Variants in NCOA7 observed in about 807,000 individuals in gnomAD.
NCOA7 encodes nuclear receptor coactivator 7.
NCOA7 carries 45 observed loss-of-function variants against 104.3 expected under a neutral mutation model. The ratio of observed to expected loss-of-function variants is 0.43; its 90% CI spans 0.34 to 0.55. The LOEUF is 0.55. Among genes scored for constraint, NCOA7 ranks in the 20% least tolerant of loss-of-function variants. NCOA7 has a pLI of 0.02. For synonymous variants in NCOA7, 398 were observed against 402.3 expected, an observed-to-expected ratio of 0.99 and a Z score of 0.13; for missense variants, 1,041 against 1,119.7, an observed-to-expected ratio of 0.93 and a Z score of 1.00.
chr6:125,815,394 T>C lies in NCOA7; in HGVS notation c.40T>C (p.Tyr14His), dbSNP rs200032896. 85 of 1,608,888 alleles carry C rather than the reference T, an allele frequency of 5.3e-5. No individual in the cohort carries two copies. Among genetic ancestry groups the C allele is most frequent in the Non-Finnish European group, 1.4e-5 (17 of 1,177,672 alleles). Residue 14 changes from tyrosine to histidine, a missense_variant, in exon 2 of 16, where the codon TAT (tyrosine) becomes CAT (histidine). Physicochemically the swap from Tyr to His is moderately conservative, Grantham distance 83 (BLOSUM62 2). This residue lies in a region of NCOA7 where 914 missense variants were observed against 942.7 expected (regional missense o/e 0.97). Transcript: ENST00000392477. The stretch of plus-strand genomic sequence containing the variant: ...AGAGAAGAAGGAACGGAAACAAAGT[T>C]ATTTTGCTCGGTAAGCATTCATTTT... The part of the protein sequence containing the change: ...KEEKKERKQS[Y>H]FARLKKKKQA...
Position 125,931,588 on chromosome 6 carries a change from C to T in NCOA7, c.*2817C>T, listed in dbSNP as rs1210241366. 1.3e-5 allele frequency: 2 copies of T among 152,192 alleles called. No homozygotes were observed. Among genetic ancestry groups the T allele is most frequent in the Non-Finnish European group, 2.9e-5 (2 of 68,050 alleles). The allele number at this position is 152,192 out of a possible 1,614,324, so 9.4% of individuals were successfully genotyped here. A position where few individuals can be genotyped will look rare whatever the true frequency, so the allele number is the denominator to read the frequency against. ...GGTGGGAGGAGGCAACCAAATGTTT[C>T]TTCAGACTCTACTGAAAATGATTAG... On this transcript the variant is annotated 3_prime_UTR_variant, in exon 16 of 16. Transcript: ENST00000392477.
intron 1 of NCOA7, among the ~76,000 whole-genome samples, chr6:125,799,730 C>T (rs1443895808): frequency 6.6e-6 from 1 of 152,128 alleles, no homozygotes; most frequent in East Asian, 1.9e-4. Flanking sequence ...ACATGAACCG[C>T]TTTGCCGGGC....
chr6:125,830,735 A>ATGTGTGTGTGTGTGTGTG (rs779830277), intron 2 of NCOA7, among the ~76,000 whole-genome samples: 1 of 133,956 alleles, frequency 7.5e-6, no homozygotes, highest in East Asian at 2.3e-4. Context: ...ATATATATAT[A>ATGTGTGTGTGTGTGTGTG]TATGTGTGTG....
rs761995738 is a variant in NCOA7, at chr6:125,889,197, C to G, written c.1143C>G (p.Ser381=). The G allele has an allele frequency of 1.9e-6, 3 of 1,613,978 alleles. 1 individual carries two copies. The South Asian group carries it at 3.3e-5, about 18-fold the overall frequency. ...AACTGGACTCCTCTAGGGAGACATC[C>G]CATGGTTCTCCCACAGTGACTAAGC... The part of the protein sequence containing the change: ...LKKLDSSRET[S]HGSPTVTKLS... Residue 381 remains serine (S), a synonymous_variant, in exon 9 of 16, where the codon TCC becomes TCG. Coordinates refer to ENST00000392477, the MANE Select transcript of NCOA7 (RefSeq NM_181782.5).
chr6:125,917,623 G>A (rs990628279), intron 11 of NCOA7, among the ~76,000 whole-genome samples: 7 of 152,178 alleles, frequency 4.6e-5, no homozygotes, highest in African/African-American at 1.7e-4. Context: ...ATTTTGCTAA[G>A]GTTGAGGATG....
In NCOA7 at chr6:125,863,476, A is replaced by T. The variant is rs1016241082; in HGVS notation, c.271+8236A>T. The stretch of plus-strand genomic sequence containing the variant: ...CTGTCTTGTTATATTCACTTGCATT[A>T]TAAAAAATCTCATTGTAAGAGAAAT... On this transcript the variant is annotated intron_variant, in intron 3 of 15. Transcript: ENST00000392477. 6.5e-5 allele frequency among the ~76,000 whole-genome samples: 9 copies of T among 138,388 alleles called. 2 individuals are homozygous for T. The highest frequency in any genetic ancestry group is 1.1e-4 in the Non-Finnish European group (7 of 65,062). The allele number at this position is 138,388 out of a possible 152,430, so 90.8% of individuals were successfully genotyped here. A position where few individuals can be genotyped will look rare whatever the true frequency, so the allele number is the denominator to read the frequency against.
chr6:125,919,652 A>G (rs146197681), intron 11 of NCOA7, among the ~76,000 whole-genome samples: 1 of 148,430 alleles, frequency 6.7e-6, no homozygotes, highest in Non-Finnish European at 1.5e-5. Context: ...GCCTCATTTT[A>G]TACTTGTGAT....
intron 10 of NCOA7, among the ~76,000 whole-genome samples, chr6:125,895,165 C>T (rs1374331491): frequency 6.6e-6 from 1 of 151,860 alleles, no homozygotes; most frequent in Admixed American, 6.6e-5. Flanking sequence ...GCCTTTTAAT[C>T]TCTGAAATGT....
chr6:125,874,919 A>T lies in NCOA7; in HGVS notation c.302A>T (p.Lys101Ile). Reference sequence around the variant, plus strand: ...AATCAAAACAAAACACATGATAAAAAAGAGAAGAAGATGGTGGTTCAGAAG... The same window carrying T: ...AATCAAAACAAAACACATGATAAAATAGAGAAGAAGATGGTGGTTCAGAAG... Reference protein sequence around the residue: ...DDNQNKTHDKKEKKMVVQKPH... With the variant: ...DDNQNKTHDKIEKKMVVQKPH... Residue 101 changes from lysine (K) to isoleucine (I), a missense_variant, in exon 4 of 16, where the codon AAA (lysine) becomes ATA (isoleucine). By Grantham distance (102) the Lys-to-Ile change is moderately radical (BLOSUM62 -3). Around this residue, in one of 2 missense-constraint regions of NCOA7, gnomAD observed 914 missense variants for 942.7 expected, o/e 0.97. Coordinates refer to ENST00000392477, the MANE Select transcript of NCOA7 (RefSeq NM_181782.5). 6.2e-7 allele frequency: 1 copy of T among 1,613,680 alleles called. No individual in the cohort carries two copies. Among genetic ancestry groups the T allele is most frequent in the Non-Finnish European group, 8.5e-7 (1 of 1,179,600 alleles).
intron 1 of NCOA7, among the ~76,000 whole-genome samples, chr6:125,801,776 A>AT (rs1270606131): frequency 3.9e-5 from 6 of 152,112 alleles, no homozygotes; most frequent in Admixed American, 3.9e-4. Flanking sequence ...CCATCTTCTT[A>AT]TGGGGATTCC....
upstream of NCOA7, among the ~76,000 whole-genome samples, chr6:125,787,580 G>C (rs1774530914): frequency 6.6e-6 from 1 of 152,136 alleles, no homozygotes; most frequent in African/African-American, 2.4e-5. Flanking sequence ...TACAAAGGTT[G>C]TTTATTCCTG....
chr6:125,802,646 G>T (rs1174533242), intron 1 of NCOA7, among the ~76,000 whole-genome samples: 1 of 152,132 alleles, frequency 6.6e-6, no homozygotes, highest in Non-Finnish European at 1.5e-5. Context: ...CACAGCAAAG[G>T]GTACGGATGT....
chr6:125,851,112 A>T (rs1781085682), intron 2 of NCOA7, among the ~76,000 whole-genome samples: 1 of 152,124 alleles, frequency 6.6e-6, no homozygotes, highest in African/African-American at 2.4e-5. Flanking sequence ...TTTTATTATT[A>T]ATTATATGAT....
intron 3 of NCOA7, among the ~76,000 whole-genome samples, chr6:125,867,910 C>T (rs1275540722): frequency 6.6e-6 from 1 of 152,148 alleles, no homozygotes; most frequent in South Asian, 2.1e-4. Context: ...GGGGGTGGGG[C>T]CTCACCAGTG....
In NCOA7 at chr6:125,928,831, G is replaced by C; in HGVS notation, c.*60G>C. 1 of 1,551,428 alleles carries C rather than the reference G, an allele frequency of 6.4e-7. No homozygotes were observed. Among genetic ancestry groups the C allele is most frequent in the Non-Finnish European group, 8.7e-7 (1 of 1,153,422 alleles). On this transcript the variant is annotated 3_prime_UTR_variant, in exon 16 of 16. Transcript: ENST00000392477. The stretch of plus-strand genomic sequence containing the variant: ...ACTGGGTTCGATCAGCCCTCCTAAA[G>C]CTGGCTGGAAAAAGAAGCCCCAGCC...
chr6:125,826,064 G>A (rs1310617518), intron 2 of NCOA7, among the ~76,000 whole-genome samples: 3 of 152,062 alleles, frequency 2.0e-5, no homozygotes, highest in Admixed American at 6.6e-5. Flanking sequence ...AGTGGGTCAC[G>A]CCTGTAATCC....
At chr6:125,791,865 C>G (rs1774893972) in intron 1 of NCOA7, among the ~76,000 whole-genome samples, 1 of 152,096 alleles carries the variant, frequency 6.6e-6, no homozygotes, top group African/African-American at 2.4e-5. Flanking sequence ...TGCTTTTTTT[C>G]TCCTCTAGGT....
chr6:125,862,356 G>A (rs1782132575), intron 3 of NCOA7, among the ~76,000 whole-genome samples: 1 of 137,862 alleles, frequency 7.3e-6, no homozygotes, highest in Admixed American at 6.8e-5. Flanking sequence ...CTACAAAGGA[G>A]CAAAGAAAAA....
intron 11 of NCOA7, chr6:125,919,550 C>T: frequency 1.0e-6 from 1 of 992,958 alleles, no homozygotes; most frequent in Non-Finnish European, 1.5e-6. Context: ...TTTCTACCAG[C>T]AGGTGTTTTA....
Sources: allele counts gnomAD v4.1 joint callset (sites outside exome capture counted in the v4.1 genomes callset), GRCh38; gene constraint gnomAD v4.1.1; regional missense constraint gnomAD v4.1.1; transcripts MANE v1.5; gene names NCBI Gene and HGNC (gene_info 2026-07-23, HGNC 2026-07-21).